ARSB: variants seen among roughly 807,000 people sequenced by gnomAD.
The protein encoded by ARSB is arylsulfatase B.
A neutral mutation model predicts 50.9 loss-of-function variants in ARSB; 41 were observed. The ratio of observed to expected loss-of-function variants is 0.81; its 90% confidence interval spans 0.63 to 1.04. ARSB has a LOEUF of 1.04. ARSB is among the 50% of genes least tolerant of loss of function. The probability of loss-of-function intolerance (pLI) is 0.00; values close to 1 mark genes in which losing one functional copy is unlikely to be tolerated. For synonymous variants in ARSB, 269 were observed against 284.8 expected (o/e 0.94, Z 0.56); for missense variants, 672 against 693.3 (o/e 0.97, Z 0.35).
rs1202455685 is a variant in ARSB, at chr5:78,981,914, CTT to C, written c.312+3021_312+3022del. Reference sequence around the variant, plus strand: ...GACTGCCAAGTTCATAGATATGACTCTTTTTTTTTTTTTTTTTTTTGAGACGG... The same window carrying C: ...GACTGCCAAGTTCATAGATATGACTCTTTTTTTTTTTTTTTTTTGAGACGG... On this transcript the variant is annotated intron_variant, in intron 1 of 7. Transcript: ENST00000264914. Among the ~76,000 whole-genome samples, 8 of 53,834 alleles carry C rather than the reference CTT, an allele frequency of 1.5e-4. 1 individual carries two copies. The highest frequency in any genetic ancestry group is 2.6e-4 in the African/African-American group (4 of 15,662). The allele number at this position is 53,834 out of a possible 152,430, so 35.3% of individuals were successfully genotyped here.
chr5:78,962,231 G>T (rs936471969), intron 3 of ARSB, among the ~76,000 whole-genome samples: 2 of 152,160 alleles, frequency 1.3e-5, no homozygotes, highest in Non-Finnish European at 2.9e-5. Flanking sequence ...GTTCTCTTAA[G>T]ACTTTACCTT....
Position 78,780,092 on chromosome 5 carries a change from GC to G in ARSB, c.*304del. On this transcript the variant is annotated 3_prime_UTR_variant, in exon 8 of 8. Transcript: ENST00000264914. ...GAGTCTAAAAGAGCCAGCTGTTCCAGCCTCCAGGATTCAGTGAGAACTTCCT... is the reference window on the plus strand; with the variant it reads ...GAGTCTAAAAGAGCCAGCTGTTCCAGCTCCAGGATTCAGTGAGAACTTCCT... 2.6e-6 allele frequency: 1 copy of G among 389,740 alleles called. No homozygotes were observed. The highest frequency in any genetic ancestry group is 4.8e-6 in the Non-Finnish European group (1 of 207,374). The allele number at this position is 389,740 out of a possible 1,614,324, so 24.1% of individuals were successfully genotyped here. A position where few individuals can be genotyped will look rare whatever the true frequency, so the allele number is the denominator to read the frequency against.
intron 4 of ARSB, among the ~76,000 whole-genome samples, chr5:78,910,472 A>G (rs988159544): frequency 5.3e-5 from 8 of 152,246 alleles, no homozygotes; most frequent in Non-Finnish European, 1.0e-4. Context: ...TCACATCATA[A>G]TACATCATTG....
chr5:78,938,233 C>T (rs114130346), intron 4 of ARSB, among the ~76,000 whole-genome samples: 3,418 of 152,286 alleles, frequency 0.022, 68 homozygotes, highest in Non-Finnish European at 0.037. Context: ...ATCAGCATGG[C>T]TGTTCAGTAA....
intron 6 of ARSB, among the ~76,000 whole-genome samples, chr5:78,808,297 G>C (rs899427622): frequency 8.6e-5 from 12 of 139,626 alleles, no homozygotes; most frequent in Admixed American, 8.3e-4. Context: ...TAAATATTTT[G>C]GCATATATCC....
rs187589098 is a variant in ARSB, at chr5:78,795,238, G to A, written c.1214-13264C>T. 9.8e-5 allele frequency among the ~76,000 whole-genome samples: 15 copies of A among 152,314 alleles called. No individual in the cohort carries two copies. The East Asian group carries it at 2.7e-3, about 27-fold the overall frequency. On this transcript the variant is annotated intron_variant, in intron 6 of 7. Transcript: ENST00000264914. ...AAACTCTATGCAGCTGCCCAGCAGA[G>A]GTGGCCAATGTCCACCTTGGTTCAT...
chr5:78,971,425 G>C (rs1319952150), intron 1 of ARSB, among the ~76,000 whole-genome samples: 1 of 152,236 alleles, frequency 6.6e-6, no homozygotes, highest in Non-Finnish European at 1.5e-5. Flanking sequence ...GGAGGTAAGA[G>C]TGCCAGTTCT....
In ARSB at chr5:78,780,297, C is replaced by A; in HGVS notation, c.*100G>T. On this transcript the variant is annotated 3_prime_UTR_variant, in exon 8 of 8. Coordinates refer to ENST00000264914, the MANE Select transcript of ARSB (RefSeq NM_000046.5). ...GTGTGGTTTAAGAGCAAGAGAAGGG[C>A]CAAGTGAACCCAGGTTGGGATAACA... 6.5e-7 allele frequency: 1 copy of A among 1,539,648 alleles called. No homozygotes were observed. The highest frequency in any genetic ancestry group is 1.1e-5 in the South Asian group (1 of 88,478).
At chr5:78,868,246 T>C (rs1173564811) in intron 5 of ARSB, among the ~76,000 whole-genome samples, 1 of 132,742 alleles carries the variant, frequency 7.5e-6, no homozygotes, top group Non-Finnish European at 1.6e-5. Flanking sequence ...CTGCAGGATA[T>C]TATCCAGGAG....
At chr5:78,873,498 ATTTTT>A (rs71001133) in intron 5 of ARSB, among the ~76,000 whole-genome samples, 11 of 93,214 alleles carry the variant, frequency 1.2e-4, no homozygotes, top group Admixed American at 2.9e-4. Flanking sequence ...TAAAACTGTA[ATTTTT>A]TTTTTTTTTT....
chr5:78,930,425 T>C (rs1289803438), intron 4 of ARSB, among the ~76,000 whole-genome samples: 5 of 141,850 alleles, frequency 3.5e-5, no homozygotes, highest in Non-Finnish European at 7.6e-5. Flanking sequence ...TGTTCTGAGA[T>C]GGAAACAAAA....
chr5:78,890,093 AT>A (rs952654205), intron 4 of ARSB, among the ~76,000 whole-genome samples: 2 of 151,568 alleles, frequency 1.3e-5, no homozygotes, highest in African/African-American at 4.8e-5. Context: ...GATTCTTTGG[AT>A]TTTTTTTTAA....
At chr5:78,935,933 ACTCCC>A (rs1366428350) in intron 4 of ARSB, among the ~76,000 whole-genome samples, 9 of 111,506 alleles carry the variant, frequency 8.1e-5, no homozygotes, top group South Asian at 3.5e-4. Flanking sequence ...CCTCTCCTCC[ACTCCC>A]CTCCCCTCCC....
intron 4 of ARSB, among the ~76,000 whole-genome samples, chr5:78,892,258 T>C (rs1017362954): frequency 7.2e-6 from 1 of 138,590 alleles, no homozygotes; most frequent in African/African-American, 2.8e-5. Context: ...CTTTTTTTTT[T>C]TTTTTTTTTT....
rs901158566 is a variant in ARSB, at chr5:78,984,927, C to A, written c.312+10G>T. On this transcript the variant is annotated intron_variant, in intron 1 of 7. Coordinates refer to ENST00000264914, the MANE Select transcript of ARSB (RefSeq NM_000046.5). ...GCGGGGGCGGCGCGGGCGGCGGGGG[C>A]GCCGCGTACCTGGTAGCGGCCAGTG... 2 of 1,338,122 alleles carry A rather than the reference C, an allele frequency of 1.5e-6. No homozygotes were observed. The highest frequency in any genetic ancestry group is 1.9e-6 in the Non-Finnish European group (2 of 1,046,566). 82.9% of individuals were successfully genotyped at this position (1,338,122 alleles called of 1,614,324 possible).
chr5:78,806,625 G>A (rs964378296), intron 6 of ARSB, among the ~76,000 whole-genome samples: 2 of 152,174 alleles, frequency 1.3e-5, no homozygotes, highest in Admixed American at 6.5e-5. Context: ...GCGCTTTGCA[G>A]GTGGCCCACG....
intron 6 of ARSB, among the ~76,000 whole-genome samples, chr5:78,790,885 TCCC>T (rs1015874894): frequency 3.3e-5 from 5 of 152,128 alleles, no homozygotes; most frequent in Admixed American, 6.6e-5. Context: ...CTATATTTGT[TCCC>T]CCATTTATGT....
chr5:78,948,725 C>CAT (rs1751363294), intron 4 of ARSB, among the ~76,000 whole-genome samples: 1 of 152,118 alleles, frequency 6.6e-6, no homozygotes, highest in African/African-American at 2.4e-5. Flanking sequence ...TTCCAGCTGT[C>CAT]ATATATATAT....
intron 6 of ARSB, among the ~76,000 whole-genome samples, chr5:78,807,418 C>T (rs1271398840): frequency 6.6e-6 from 1 of 152,150 alleles, no homozygotes; most frequent in Non-Finnish European, 1.5e-5. Flanking sequence ...GTGAAAATGG[C>T]ACATTTCTCT....
Sources: gnomAD v4.1 joint callset for allele counts (sites outside exome capture counted in the v4.1 genomes callset) on GRCh38, gnomAD v4.1.1 for gene constraint, MANE v1.5 for transcripts, NCBI Gene and HGNC (gene_info 2026-07-23, HGNC 2026-07-21) for gene names.